The following SGCG variants were observed in gnomAD, a reference collection of about 807,000 sequenced individuals.
SGCG encodes the protein sarcoglycan gamma, also known as gamma-sarcoglycan.
Under a neutral mutation model 29.3 loss-of-function variants are expected in SGCG, and 26 were observed. The ratio of observed to expected loss-of-function variants is 0.89; its 90% CI spans 0.65 to 1.23. The LOEUF is 1.23. Ranked by LOEUF, SGCG falls within the 50% of genes most tolerant of loss-of-function variation. The pLI is 0.00. For synonymous variants in SGCG, 145 were observed against 129.7 expected, an observed-to-expected ratio of 1.12 and a Z score of -0.80; for missense variants, 353 against 356.0, an observed-to-expected ratio of 0.99 and a Z score of 0.07.
intron 2 of SGCG, among the ~76,000 whole-genome samples, chr13:23,217,012 T>G: frequency 6.6e-6 from 1 of 151,384 alleles, no homozygotes; most frequent in East Asian, 2.0e-4. Context: ...ATGATGATAA[T>G]GATGATGATA....
At chr13:23,253,154 G>A (rs1172091677) in intron 4 of SGCG, among the ~76,000 whole-genome samples, 1 of 152,184 alleles carries the variant, frequency 6.6e-6, no homozygotes, top group Non-Finnish European at 1.5e-5. Context: ...GGCTGCAGCA[G>A]GAAGACTGCT....
At chr13:23,265,976 C>T (rs1199006910) in intron 4 of SGCG, among the ~76,000 whole-genome samples, 1 of 152,178 alleles carries the variant, frequency 6.6e-6, no homozygotes, top group Non-Finnish European at 1.5e-5. Flanking sequence ...ATGTTTATCA[C>T]AGCACAATTC....
the SGCG span, among the ~76,000 whole-genome samples, chr13:23,173,526 T>TG: frequency 3.9e-5 from 6 of 152,234 alleles, no homozygotes; most frequent in African/African-American, 1.4e-4. Context: ...TCTATTTCTC[T>TG]ATATCCAGAC....
intron 2 of SGCG, among the ~76,000 whole-genome samples, chr13:23,226,701 A>T (rs1475446317): frequency 1.3e-5 from 2 of 152,240 alleles, no homozygotes; most frequent in Non-Finnish European, 2.9e-5. Context: ...TGCCTAGAGT[A>T]GTCAAATTCA....
Position 23,277,414 on chromosome 13 carries a change from A to T in SGCG, c.386-1945A>T, listed in dbSNP as rs918437142. The stretch of plus-strand genomic sequence containing the variant: ...TACCAAAAAATAAAGTGAAGCTTTT[A>T]AAAAAAAAAAGGAGATGTAACATAG... On this transcript the variant is annotated intron_variant, in intron 4 of 7. Transcript: ENST00000218867. Among the ~76,000 whole-genome samples, 22 of 69,506 alleles carry T rather than the reference A, an allele frequency of 3.2e-4. No individual in the cohort carries two copies. In the South Asian group the frequency reaches 5.0e-3, roughly 16 times the overall value. 45.6% of individuals were successfully genotyped at this position (69,506 alleles called of 152,430 possible). A position where few individuals can be genotyped will look rare whatever the true frequency, so the allele number is the denominator to read the frequency against.
At chr13:23,232,193 C>T (rs1879139585) in intron 2 of SGCG, among the ~76,000 whole-genome samples, 1 of 151,946 alleles carries the variant, frequency 6.6e-6, no homozygotes, top group Admixed American at 6.6e-5. Flanking sequence ...GTGTGTGGGG[C>T]TTCCACATGC....
chr13:23,188,340 T>TA (rs1877079073), intron 1 of SGCG, among the ~76,000 whole-genome samples: 1 of 106,926 alleles, frequency 9.4e-6, no homozygotes, highest in Admixed American at 1.1e-4. Context: ...TTTTTTTTTT[T>TA]TTGAGATAAG....
chr13:23,167,416 T>C, the SGCG span, among the ~76,000 whole-genome samples: 1 of 152,216 alleles, frequency 6.6e-6, no homozygotes, highest in South Asian at 2.1e-4. Context: ...CTTAGGGGTA[T>C]ATACCCAGCG....
chr13:23,172,377 T>C, the SGCG span, among the ~76,000 whole-genome samples: 1 of 152,164 alleles, frequency 6.6e-6, no homozygotes, highest in East Asian at 1.9e-4. Flanking sequence ...TATACATTTA[T>C]AAATTATATT....
chr13:23,172,200 T>A, the SGCG span, among the ~76,000 whole-genome samples: 2 of 152,230 alleles, frequency 1.3e-5, no homozygotes, highest in Non-Finnish European at 2.9e-5. Flanking sequence ...AGATGTCCAA[T>A]AAGCTCTAAG....
chr13:23,259,700 TAC>T (rs1880351034), intron 4 of SGCG, among the ~76,000 whole-genome samples: 1 of 152,254 alleles, frequency 6.6e-6, no homozygotes, highest in Admixed American at 6.5e-5. Flanking sequence ...AATTTCCCTC[TAC>T]ACACTGCTTT....
intron 4 of SGCG, 25 bp from the exon 5 acceptor site, chr13:23,279,334 A>G (rs757300255): frequency 1.2e-6 from 2 of 1,608,374 alleles, no homozygotes; most frequent in Non-Finnish European, 1.7e-6. Flanking sequence ...TGAACAGTTT[A>G]TAATAAACTG....
intron 1 of SGCG, among the ~76,000 whole-genome samples, chr13:23,187,993 T>A (rs1877061363): frequency 6.6e-6 from 1 of 152,338 alleles, no homozygotes; most frequent in South Asian, 2.1e-4. Context: ...CCATCAAGGA[T>A]GCATCTAACC....
intron 6 of SGCG, among the ~76,000 whole-genome samples, chr13:23,311,316 G>T (rs999729962): frequency 1.3e-5 from 2 of 152,204 alleles, no homozygotes; most frequent in African/African-American, 4.8e-5. Flanking sequence ...TTATACTTGA[G>T]TATCAGTGAA....
chr13:23,200,193 C>T (rs966326407), intron 1 of SGCG, among the ~76,000 whole-genome samples: 3 of 152,052 alleles, frequency 2.0e-5, no homozygotes, highest in Non-Finnish European at 2.9e-5. Flanking sequence ...GAGGCCGAAG[C>T]GAGTGGATTA....
intron 3 of SGCG, among the ~76,000 whole-genome samples, chr13:23,249,137 A>G (rs1409051896): frequency 6.6e-6 from 1 of 152,146 alleles, no homozygotes; most frequent in African/African-American, 2.4e-5. Context: ...ATAGTTTTCT[A>G]CTTAAGTGAT....
chr13:23,224,969 C>T (rs961581852), intron 2 of SGCG, among the ~76,000 whole-genome samples: 4 of 152,100 alleles, frequency 2.6e-5, no homozygotes, highest in Non-Finnish European at 4.4e-5. Flanking sequence ...TGAGCACGGT[C>T]CCTGGAGCAG....
the SGCG span, among the ~76,000 whole-genome samples, chr13:23,168,604 C>T: frequency 6.6e-6 from 1 of 152,178 alleles, no homozygotes; most frequent in African/African-American, 2.4e-5. Flanking sequence ...TCACTGTAAC[C>T]TCTGTATACA....
chr13:23,252,645 C>A (rs956160124), intron 4 of SGCG, among the ~76,000 whole-genome samples: 1 of 152,000 alleles, frequency 6.6e-6, no homozygotes, highest in Admixed American at 6.6e-5. Context: ...GAGCCAAGAT[C>A]GCATCACTGC....
Sources: gnomAD v4.1 joint callset for allele counts (sites outside exome capture counted in the v4.1 genomes callset) on GRCh38, gnomAD v4.1.1 for gene constraint, MANE v1.5 for transcripts, NCBI Gene and HGNC (gene_info 2026-07-23, HGNC 2026-07-21) for gene names.